SLC28A3: variants seen among roughly 807,000 people sequenced by gnomAD.
SLC28A3 encodes the protein solute carrier family 28 member 3.
In SLC28A3, 68 loss-of-function variants were observed where a neutral mutation model predicts 84.2. That is an observed-to-expected ratio of 0.81 (90% CI 0.66 to 0.99). The LOEUF (loss-of-function observed/expected upper bound fraction) is 0.99, where lower values mean the gene tolerates loss of function less well. SLC28A3 is among the 50% of genes least tolerant of loss of function. The pLI is 0.00. For synonymous variants in SLC28A3, 267 were observed against 303.6 expected (o/e 0.88, Z 1.25); for missense variants, 712 against 841.5 (o/e 0.85, Z 1.90).
the SLC28A3 span, among the ~76,000 whole-genome samples, chr9:84,362,885 ACT>A: frequency 9.2e-5 from 14 of 152,022 alleles, no homozygotes; most frequent in Admixed American, 1.3e-4. Context: ...TAATATAATA[ACT>A]CTTGTATTAA....
chr9:84,314,624 G>A (rs572023049), intron 1 of SLC28A3, among the ~76,000 whole-genome samples: 16 of 152,304 alleles, frequency 1.1e-4, no homozygotes, highest in African/African-American at 3.9e-4. Context: ...CAAGATTCAT[G>A]CATCAAAGTA....
At chr9:84,323,548 C>T (rs1826448992) in intron 1 of SLC28A3, among the ~76,000 whole-genome samples, 1 of 151,936 alleles carries the variant, frequency 6.6e-6, no homozygotes, top group South Asian at 2.1e-4. Context: ...CCTCAGCCTC[C>T]AGAGTAGCTG....
intron 1 of SLC28A3, among the ~76,000 whole-genome samples, chr9:84,329,189 T>C (rs1213559120): frequency 6.6e-6 from 1 of 152,148 alleles, no homozygotes; most frequent in Non-Finnish European, 1.5e-5. Flanking sequence ...TGTTAACATA[T>C]ATGTATATAA....
chr9:84,357,356 T>C, the SLC28A3 span, among the ~76,000 whole-genome samples: 85 of 152,244 alleles, frequency 5.6e-4, no homozygotes, highest in Middle Eastern at 3.4e-3. Context: ...CAGGAAAGTG[T>C]AACGGCTGTC....
At chr9:84,366,270 T>C in the SLC28A3 span, among the ~76,000 whole-genome samples, 2,102 of 152,228 alleles carry the variant, frequency 0.014, 44 homozygotes, top group African/African-American at 0.048. Flanking sequence ...GTTAAATTTG[T>C]CTGATAGAGT....
intron 2 of SLC28A3, among the ~76,000 whole-genome samples, chr9:84,312,254 G>T (rs1826014862): frequency 1.3e-5 from 2 of 152,140 alleles, no homozygotes; most frequent in Non-Finnish European, 2.9e-5. Flanking sequence ...AATACTTAGT[G>T]AACATTTTTT....
chr9:84,282,270 G>A (rs1234455041), intron 14 of SLC28A3, among the ~76,000 whole-genome samples: 2 of 151,682 alleles, frequency 1.3e-5, no homozygotes, highest in African/African-American at 2.4e-5. Flanking sequence ...ACTACAAATG[G>A]CCATGAGGAA....
chr9:84,280,797 T>C lies in SLC28A3; in HGVS notation c.1729+4A>G, dbSNP rs1221769065. On this transcript the variant is annotated splice_donor_region_variant and intron_variant, in intron 15 of 17. Coordinates refer to ENST00000376238, the MANE Select transcript of SLC28A3 (RefSeq NM_001199633.2). ...TGTTGTTGAAGAATGTTCTTTTCAC[T>C]TACTGAGTCCGCCGATCACGATTCC... 1 of 1,613,874 alleles carries C rather than the reference T, an allele frequency of 6.2e-7. No homozygotes were observed. The highest frequency in any genetic ancestry group is 8.5e-7 in the Non-Finnish European group (1 of 1,179,916).
intron 1 of SLC28A3, among the ~76,000 whole-genome samples, chr9:84,337,930 C>T (rs964481570): frequency 6.6e-5 from 10 of 152,214 alleles, no homozygotes; most frequent in Admixed American, 4.6e-4. Context: ...TGACTTTGTG[C>T]TCCTGTTTAA....
At chr9:84,355,401 A>G in the SLC28A3 span, among the ~76,000 whole-genome samples, 1 of 152,106 alleles carries the variant, frequency 6.6e-6, no homozygotes, top group Non-Finnish European at 1.5e-5. Context: ...TCGTGCTACT[A>G]TAGTACAGCC....
upstream of SLC28A3, among the ~76,000 whole-genome samples, chr9:84,345,685 A>G (rs1052130391): frequency 1.3e-5 from 2 of 152,206 alleles, no homozygotes; most frequent in Admixed American, 6.5e-5. Context: ...TGTACCTGCC[A>G]GCAGGAAAAA....
At chr9:84,357,264 T>A in the SLC28A3 span, among the ~76,000 whole-genome samples, 1 of 152,168 alleles carries the variant, frequency 6.6e-6, no homozygotes, top group Non-Finnish European at 1.5e-5. Flanking sequence ...CAATCTTCAT[T>A]CACGAGAAGT....
At chr9:84,290,078 G>A in intron 11 of SLC28A3, 76 bp downstream of exon 11, 1 of 1,548,726 alleles carries the variant, frequency 6.5e-7, no homozygotes, top group Non-Finnish European at 8.8e-7. Flanking sequence ...TTTTCCACCA[G>A]CAATGGAAAA....
intron 12 of SLC28A3, 130 bp from the exon 13 acceptor site, chr9:84,286,241 C>T (rs888672725): frequency 2.6e-6 from 2 of 779,598 alleles, no homozygotes; most frequent in Admixed American, 5.6e-5. Flanking sequence ...GCTCAAAATA[C>T]TCACCTGAAT....
chr9:84,278,120 A>T lies in SLC28A3; in HGVS notation c.*98T>A, dbSNP rs1588550866. 1.4e-6 allele frequency: 2 copies of T among 1,429,928 alleles called. No individual in the cohort carries two copies. Among genetic ancestry groups the T allele is most frequent in the East Asian group, 4.6e-5 (2 of 43,456 alleles). 88.6% of individuals were successfully genotyped at this position (1,429,928 alleles called of 1,614,324 possible). On this transcript the variant is annotated 3_prime_UTR_variant, in exon 18 of 18. Transcript: ENST00000376238. Reference sequence around the variant, plus strand: ...GCAATTAAAGCTGATTCCATTATGGAAGCATCAATCTGTGGACAATAGCTT... The same window carrying T: ...GCAATTAAAGCTGATTCCATTATGGTAGCATCAATCTGTGGACAATAGCTT...
intron 1 of SLC28A3, among the ~76,000 whole-genome samples, chr9:84,314,879 C>T (rs1024875748): frequency 3.9e-5 from 6 of 152,138 alleles, no homozygotes; most frequent in Non-Finnish European, 7.4e-5. Flanking sequence ...GAGATTGAGA[C>T]CATCCTGGCT....
chr9:84,339,224 G>A (rs1450363157), intron 1 of SLC28A3, among the ~76,000 whole-genome samples: 1 of 151,970 alleles, frequency 6.6e-6, no homozygotes, highest in Non-Finnish European at 1.5e-5. Flanking sequence ...TTTATGTGAG[G>A]CTCTCATACA....
chr9:84,291,370 CTT>C (rs1825213958), intron 10 of SLC28A3, among the ~76,000 whole-genome samples: 1 of 152,106 alleles, frequency 6.6e-6, no homozygotes, highest in African/African-American at 2.4e-5. Flanking sequence ...GAGTTTTGCT[CTT>C]GTTGCCCAGG....
chr9:84,336,783 A>G (rs1270196158), intron 1 of SLC28A3, among the ~76,000 whole-genome samples: 1 of 152,132 alleles, frequency 6.6e-6, no homozygotes, highest in Admixed American at 6.6e-5. Flanking sequence ...CCCTTTCCCT[A>G]TACCGTGTTC....
Sources: gnomAD v4.1 joint callset for allele counts (sites outside exome capture counted in the v4.1 genomes callset) on GRCh38, gnomAD v4.1.1 for gene constraint, MANE v1.5 for transcripts, NCBI Gene and HGNC (gene_info 2026-07-23, HGNC 2026-07-21) for gene names.